SOX5: variants seen among roughly 807,000 people sequenced by gnomAD.
SOX5 encodes transcription factor SOX-5.
A neutral mutation model predicts 92.0 loss-of-function variants in SOX5; 9 were observed. The observed-to-expected ratio is 0.10, with a 90% confidence interval of 0.06 to 0.17. The LOEUF (loss-of-function observed/expected upper bound fraction) is 0.17. Ranked by LOEUF, SOX5 falls within the 10% of genes least tolerant of loss-of-function variation. The probability of loss-of-function intolerance (pLI) is 1.00; values close to 1 mark genes in which losing one functional copy is unlikely to be tolerated. For missense variants in SOX5, 642 were observed against 944.5 expected (o/e 0.68, Z 4.20); for synonymous variants, 344 against 336.3 (o/e 1.02, Z -0.25).
At chr12:23,784,473 C>A (rs1373628053) in intron 3 of SOX5, among the ~76,000 whole-genome samples, 3 of 152,014 alleles carry the variant, frequency 2.0e-5, no homozygotes, top group East Asian at 1.9e-4. Flanking sequence ...ACTACAGGCA[C>A]CCGCCACCAC....
At chr12:24,505,968 A>T (rs577422414) in intron 1 of SOX5, among the ~76,000 whole-genome samples, 22 of 152,176 alleles carry the variant, frequency 1.4e-4, no homozygotes, top group Non-Finnish European at 3.1e-4. Flanking sequence ...TATTTATAGG[A>T]TTTAAGATTT....
chr12:24,460,193 C>T (rs559253048), intron 1 of SOX5, among the ~76,000 whole-genome samples: 1 of 152,270 alleles, frequency 6.6e-6, no homozygotes, highest in African/African-American at 2.4e-5. Flanking sequence ...ATGGGAGTGA[C>T]ATTTTGCAGT....
At chr12:24,433,803 G>A (rs7137668) in intron 1 of SOX5, among the ~76,000 whole-genome samples, 150,430 of 152,284 alleles carry the variant, frequency 0.99, 74,324 homozygotes, top group East Asian at 1. Context: ...GTTTGGGATC[G>A]ACAGGGAGGA....
At chr12:23,983,326 C>A (rs1019834472) in intron 4 of SOX5, among the ~76,000 whole-genome samples, 4 of 152,166 alleles carry the variant, frequency 2.6e-5, no homozygotes, top group African/African-American at 9.6e-5. Flanking sequence ...TTGGGTAGTG[C>A]CAAGCTCAAA....
chr12:23,888,205 A>T (rs2097091890), intron 2 of SOX5, among the ~76,000 whole-genome samples: 1 of 152,154 alleles, frequency 6.6e-6, no homozygotes, highest in Admixed American at 6.5e-5. Flanking sequence ...TATATATTTG[A>T]GTTGAATCTT....
chr12:23,716,334 A>C (rs2092492868), intron 6 of SOX5, among the ~76,000 whole-genome samples: 1 of 152,196 alleles, frequency 6.6e-6, no homozygotes. Flanking sequence ...TTGTCAGAAA[A>C]CAGGCTTATC....
At chr12:24,302,917 G>A (rs1446203674) in intron 2 of SOX5, among the ~76,000 whole-genome samples, 1 of 151,384 alleles carries the variant, frequency 6.6e-6, no homozygotes, top group Non-Finnish European at 1.5e-5. Context: ...AGTTATAGGG[G>A]AAAAACAACA....
At chr12:23,711,049 GA>G (rs1186487965) in intron 6 of SOX5, among the ~76,000 whole-genome samples, 1 of 151,816 alleles carries the variant, frequency 6.6e-6, no homozygotes, top group Non-Finnish European at 1.5e-5. Context: ...AATTAGAAAT[GA>G]AAAAAATGTA....
intron 2 of SOX5, among the ~76,000 whole-genome samples, chr12:23,867,581 T>C (rs1238202852): frequency 6.6e-6 from 1 of 152,092 alleles, no homozygotes; most frequent in Non-Finnish European, 1.5e-5. Context: ...ATTCTAAAAC[T>C]CTTACTAGAA....
At chr12:23,613,294 G>C (rs1749458300) in intron 8 of SOX5, among the ~76,000 whole-genome samples, 1 of 151,090 alleles carries the variant, frequency 6.6e-6, no homozygotes, top group African/African-American at 2.4e-5. Context: ...AAGCAGAAGA[G>C]ATACTGCTTC....
chr12:24,138,132 T>C (rs1391195244), intron 4 of SOX5, among the ~76,000 whole-genome samples: 4 of 152,228 alleles, frequency 2.6e-5, no homozygotes, highest in Admixed American at 2.6e-4. Context: ...TTCTTAAACA[T>C]AAACTTTTAG....
chr12:24,299,480 G>T (rs485944), intron 2 of SOX5, among the ~76,000 whole-genome samples: 16,419 of 151,680 alleles, frequency 0.11, 1,172 homozygotes, highest in South Asian at 0.18. Context: ...TATATTAAAA[G>T]GCCTCAGAGA....
At chr12:24,196,540 C>T (rs1957028225) in intron 4 of SOX5, among the ~76,000 whole-genome samples, 1 of 152,140 alleles carries the variant, frequency 6.6e-6, no homozygotes, top group Non-Finnish European at 1.5e-5. Flanking sequence ...GAAGAAGCCA[C>T]ACACTTTATA....
upstream of SOX5, chr12:23,949,766 GTCTCTCTCTC>G (rs143438082): frequency 2.0e-4 from 96 of 472,886 alleles, no homozygotes; most frequent in South Asian, 3.6e-4. Flanking sequence ...CTCTCTCTCT[GTCTCTCTCTC>G]TCTCTCTCTC....
At chr12:24,007,170 T>A (rs79779842) in intron 4 of SOX5, among the ~76,000 whole-genome samples, 19,172 of 46,614 alleles carry the variant, frequency 0.41, 5,875 homozygotes, top group East Asian at 0.53. Flanking sequence ...TACATTTATA[T>A]ATGTATTTAT....
chr12:24,253,621 A>G (rs1010611389), intron 3 of SOX5, among the ~76,000 whole-genome samples: 1 of 152,206 alleles, frequency 6.6e-6, no homozygotes, highest in East Asian at 1.9e-4. Context: ...AAGTCTCAAT[A>G]TAATTGAATG....
chr12:23,642,492 A>T (rs890422270), intron 7 of SOX5, among the ~76,000 whole-genome samples: 31 of 152,204 alleles, frequency 2.0e-4, no homozygotes, highest in African/African-American at 7.0e-4. Flanking sequence ...CAAAGAAGGG[A>T]AGAAAGATTG....
chr12:24,060,506 GA>G (rs1256357057), intron 4 of SOX5, among the ~76,000 whole-genome samples: 2 of 152,156 alleles, frequency 1.3e-5, no homozygotes, highest in African/African-American at 4.8e-5. Flanking sequence ...TTTTTAAGTA[GA>G]AAAATAATAC....
chr12:24,526,559 C>A (rs1305894438), intron 1 of SOX5, among the ~76,000 whole-genome samples: 1 of 152,114 alleles, frequency 6.6e-6, no homozygotes, highest in Admixed American at 6.5e-5. Flanking sequence ...AAATAGGAAA[C>A]AAGATCACGA....
Sources: gnomAD v4.1 joint callset for allele counts (sites outside exome capture counted in the v4.1 genomes callset) on GRCh38, gnomAD v4.1.1 for gene constraint, MANE v1.5 for transcripts, NCBI Gene and HGNC (gene_info 2026-07-23, HGNC 2026-07-21) for gene names.